Variants in ANKS1B observed in about 807,000 individuals in gnomAD.
ANKS1B encodes ankyrin repeat and sterile alpha motif domain-containing protein 1B.
Under a neutral mutation model 148.3 loss-of-function variants are expected in ANKS1B, and 36 were observed. The observed-to-expected ratio is 0.24, with a 90% confidence interval of 0.19 to 0.32. The LOEUF is 0.32. Among genes scored for constraint, ANKS1B ranks in the 10% least tolerant of loss-of-function variants. The probability of loss-of-function intolerance (pLI) is 1.00; values close to 1 mark genes in which losing one functional copy is unlikely to be tolerated. For missense variants in ANKS1B, 1,157 were observed against 1,542.6 expected (o/e 0.75, Z 4.19); for synonymous variants, 542 against 560.8 (o/e 0.97, Z 0.47).
intron 9 of ANKS1B, among the ~76,000 whole-genome samples, chr12:99,653,446 G>C (rs573148880): frequency 6.6e-6 from 1 of 152,240 alleles, no homozygotes; most frequent in East Asian, 1.9e-4. Context: ...TTAAGGGTAA[G>C]CTAATAAAAT....
At chr12:99,959,227 A>ATTTTTTT (rs71088166) in intron 1 of ANKS1B, among the ~76,000 whole-genome samples, 34 of 99,872 alleles carry the variant, frequency 3.4e-4, no homozygotes, top group African/African-American at 5.3e-4. Flanking sequence ...CACCCAGTTA[A>ATTTTTTT]TTTTTTTTTT....
intron 17 of ANKS1B, among the ~76,000 whole-genome samples, chr12:98,918,023 C>T (rs1171330304): frequency 1.3e-5 from 2 of 152,142 alleles, no homozygotes; most frequent in African/African-American, 2.4e-5. Context: ...TATTTATGTT[C>T]ACTGCAATAT....
intron 9 of ANKS1B, among the ~76,000 whole-genome samples, chr12:99,540,400 C>T (rs1052900543): frequency 4.6e-5 from 7 of 152,058 alleles, no homozygotes; most frequent in African/African-American, 1.7e-4. Flanking sequence ...GCAGAATAGA[C>T]CATGCAATAT....
chr12:99,813,374 A>G (rs2068669765), intron 2 of ANKS1B, among the ~76,000 whole-genome samples: 1 of 151,318 alleles, frequency 6.6e-6, no homozygotes, highest in Non-Finnish European at 1.5e-5. Context: ...AGTCAGACAC[A>G]CATAAATAAA....
At chr12:99,695,223 CTT>C (rs950749475) in intron 8 of ANKS1B, among the ~76,000 whole-genome samples, 3 of 152,182 alleles carry the variant, frequency 2.0e-5, no homozygotes, top group Non-Finnish European at 4.4e-5. Flanking sequence ...CTAAAATCAG[CTT>C]TTGTTTTGTT....
chr12:99,524,890 G>A (rs1396254207), intron 9 of ANKS1B, among the ~76,000 whole-genome samples: 1 of 152,092 alleles, frequency 6.6e-6, no homozygotes, highest in Non-Finnish European at 1.5e-5. Flanking sequence ...GGAATCACGG[G>A]AATTCTGGGA....
intron 11 of ANKS1B, among the ~76,000 whole-genome samples, chr12:99,440,443 AG>A: frequency 6.6e-6 from 1 of 151,872 alleles, no homozygotes; most frequent in Admixed American, 6.6e-5. Flanking sequence ...TTTAAGTACA[AG>A]TAAGTAGAAA....
rs546916798 is a variant in ANKS1B, at chr12:99,984,545, G to A, written c.-308C>T. On this transcript the variant is annotated 5_prime_UTR_variant, in exon 1 of 27. Transcript: ENST00000683438. ...TCGTTCCCGCGGGTGCGGCGTGAGG[G>A]GGTGGGGACTCGGGGGTGCTTTTGA... 1.7e-5 allele frequency: 5 copies of A among 291,520 alleles called. No individual in the cohort carries two copies. In the South Asian group the frequency reaches 4.0e-4, roughly 23 times the overall value. 18.1% of individuals were successfully genotyped at this position (291,520 alleles called of 1,614,324 possible).
intron 12 of ANKS1B, among the ~76,000 whole-genome samples, chr12:99,292,077 GA>G (rs2154009187): frequency 6.6e-6 from 1 of 152,196 alleles, no homozygotes; most frequent in African/African-American, 2.4e-5. Flanking sequence ...TAGGCAATAT[GA>G]TTCAGGACAT....
chr12:98,754,789 C>T (rs2098191283), intron 25 of ANKS1B, among the ~76,000 whole-genome samples: 1 of 152,122 alleles, frequency 6.6e-6, no homozygotes, highest in African/African-American at 2.4e-5. Context: ...GTTAGAAGTC[C>T]TGCCCTTTCA....
chr12:99,449,721 T>C (rs1189204789), intron 10 of ANKS1B, among the ~76,000 whole-genome samples: 4 of 152,256 alleles, frequency 2.6e-5, no homozygotes, highest in African/African-American at 7.2e-5. Flanking sequence ...CAAATAGTTA[T>C]CCTTTTTAGA....
At chr12:99,576,270 A>G (rs967451667) in intron 9 of ANKS1B, among the ~76,000 whole-genome samples, 3 of 111,734 alleles carry the variant, frequency 2.7e-5, no homozygotes, top group Non-Finnish European at 6.3e-5. Context: ...CAGACCTACA[A>G]TGATACTTAG....
intron 9 of ANKS1B, among the ~76,000 whole-genome samples, chr12:99,639,552 A>G (rs1311514968): frequency 6.6e-6 from 1 of 151,742 alleles, no homozygotes; most frequent in Non-Finnish European, 1.5e-5. Context: ...AGTTCCCACA[A>G]CCCCCACGTC....
chr12:99,088,175 T>C (rs1048049847), intron 15 of ANKS1B, among the ~76,000 whole-genome samples: 1 of 152,194 alleles, frequency 6.6e-6, no homozygotes, highest in Non-Finnish European at 1.5e-5. Context: ...CAGTGAGGCA[T>C]GCTGTTAGAA....
chr12:99,522,838 G>T (rs2096888495), intron 9 of ANKS1B, among the ~76,000 whole-genome samples: 1 of 152,168 alleles, frequency 6.6e-6, no homozygotes, highest in Admixed American at 6.5e-5. Flanking sequence ...TATTGGGAAT[G>T]ATCTGGCTTC....
chr12:98,739,260 C>G (rs1193058081), downstream of ANKS1B, among the ~76,000 whole-genome samples: 6 of 152,226 alleles, frequency 3.9e-5, no homozygotes, highest in Admixed American at 3.9e-4. Flanking sequence ...TGCATCAGGA[C>G]AGATGCATCA....
intron 12 of ANKS1B, among the ~76,000 whole-genome samples, chr12:99,341,707 T>G (rs1196075928): frequency 1.3e-5 from 2 of 152,140 alleles, no homozygotes; most frequent in Admixed American, 1.3e-4. Context: ...TAAGCCAGTC[T>G]GCAGTATCTG....
chr12:99,160,567 C>T (rs918995125), intron 14 of ANKS1B, among the ~76,000 whole-genome samples: 3 of 149,866 alleles, frequency 2.0e-5, no homozygotes, highest in African/African-American at 7.4e-5. Flanking sequence ...CCAGGATGGT[C>T]TCGATCTCCT....
intron 12 of ANKS1B, among the ~76,000 whole-genome samples, chr12:99,280,324 C>A (rs1037021485): frequency 2.0e-5 from 3 of 152,150 alleles, no homozygotes; most frequent in South Asian, 2.1e-4. Flanking sequence ...CCAGTGCTCA[C>A]CATAAATGTC....
Sources: allele counts gnomAD v4.1 joint callset (sites outside exome capture counted in the v4.1 genomes callset), GRCh38; gene constraint gnomAD v4.1.1; transcripts MANE v1.5; gene names NCBI Gene and HGNC (gene_info 2026-07-23, HGNC 2026-07-21).